The following CALCR variants were observed in gnomAD, a reference collection of about 807,000 sequenced individuals.
CALCR encodes calcitonin receptor.
In CALCR, 47 loss-of-function variants were observed where a neutral mutation model predicts 59.5. The ratio of observed to expected loss-of-function variants is 0.79; its 90% CI spans 0.63 to 1.01. CALCR has a LOEUF of 1.01. Ranked by LOEUF, CALCR falls within the 50% of genes least tolerant of loss-of-function variation. The pLI, the probability that CALCR is intolerant of heterozygous loss-of-function variation, is 0.00. For synonymous variants in CALCR, 213 were observed against 211.3 expected (o/e 1.01, Z -0.07); for missense variants, 566 against 597.1 (o/e 0.95, Z 0.54).
chr7:93,526,099 A>C (rs993437545), intron 2 of CALCR, among the ~76,000 whole-genome samples: 7 of 152,190 alleles, frequency 4.6e-5, no homozygotes, highest in African/African-American at 1.7e-4. Context: ...GTCAACATAA[A>C]GATTAGAAAC....
intron 2 of CALCR, among the ~76,000 whole-genome samples, chr7:93,540,926 A>G (rs1037356048): frequency 6.6e-6 from 1 of 151,872 alleles, no homozygotes; most frequent in East Asian, 1.9e-4. Flanking sequence ...AGGATTCAGT[A>G]GAAAATAGTT....
At chr7:93,483,889 T>C (rs1274298668) in intron 3 of CALCR, 2 of 454,978 alleles carry the variant, frequency 4.4e-6, no homozygotes, top group African/African-American at 4.0e-5. Context: ...CCATCTTACA[T>C]GATTTTTCAA....
rs186976291 is a variant in CALCR, at chr7:93,475,476, C to A, written c.316+2082G>T. Among the ~76,000 whole-genome samples, 185 of 151,650 alleles carry A rather than the reference C, an allele frequency of 1.2e-3. 1 individual carries two copies. The highest frequency in any genetic ancestry group is 4.3e-3 in the African/African-American group (180 of 41,442). On this transcript the variant is annotated intron_variant, in intron 5 of 13. Coordinates refer to ENST00000426151, the MANE Select transcript of CALCR (RefSeq NM_001742.4). ...GCTAATGTTATTTGTCAATGACAAC[C>A]CTTCCAAGCTTACTTGCAATTTTTA...
intron 7 of CALCR, chr7:93,462,030 G>A: frequency 8.0e-7 from 1 of 1,248,282 alleles, no homozygotes; most frequent in South Asian, 1.4e-5. Flanking sequence ...TCTGGGGAAA[G>A]ATGAAATACA....
chr7:93,571,191 C>T (rs1215904316), intron 2 of CALCR, among the ~76,000 whole-genome samples: 1 of 152,094 alleles, frequency 6.6e-6, no homozygotes, highest in African/African-American at 2.4e-5. Flanking sequence ...ATCACATTCA[C>T]ATGGAAAAGC....
At position 93,477,678 on chromosome 7, in the gene CALCR, T is replaced by C. The variant is rs1459335055; in HGVS notation, c.206-10A>G. ...CGATTGCAATATGGACCTGGCCATTTAGAAGGAAATTGATATTGAAGCCTT... is the reference window on the plus strand; with the variant it reads ...CGATTGCAATATGGACCTGGCCATTCAGAAGGAAATTGATATTGAAGCCTT... On this transcript the variant is annotated splice_polypyrimidine_tract_variant and intron_variant, in intron 4 of 13. Coordinates refer to ENST00000426151, the MANE Select transcript of CALCR (RefSeq NM_001742.4). 1 of 1,540,552 alleles carries C rather than the reference T, an allele frequency of 6.5e-7. No homozygotes were observed. The highest frequency in any genetic ancestry group is 1.1e-5 in the South Asian group (1 of 89,550).
At chr7:93,428,714 G>A (rs1219393441) in intron 13 of CALCR, among the ~76,000 whole-genome samples, 1 of 151,306 alleles carries the variant, frequency 6.6e-6, no homozygotes, top group African/African-American at 2.4e-5. Flanking sequence ...ATGAACCTGG[G>A]AGGCGGAGCT....
intron 2 of CALCR, among the ~76,000 whole-genome samples, chr7:93,524,227 T>C (rs898041770): frequency 1.3e-5 from 2 of 151,078 alleles, no homozygotes; most frequent in Non-Finnish European, 3.0e-5. Context: ...TGGAGTGCAG[T>C]GGCATGATCT....
chr7:93,503,217 AC>A (rs1256207442), intron 2 of CALCR, among the ~76,000 whole-genome samples: 24 of 152,082 alleles, frequency 1.6e-4, no homozygotes. Context: ...TGATGGAGCA[AC>A]ACTCGTCTGG....
chr7:93,494,532 A>C (rs916242009), intron 2 of CALCR, among the ~76,000 whole-genome samples: 1 of 151,470 alleles, frequency 6.6e-6, no homozygotes, highest in African/African-American at 2.4e-5. Context: ...TTAATTGAAG[A>C]GGTCTTAATT....
intron 2 of CALCR, among the ~76,000 whole-genome samples, chr7:93,561,939 C>G (rs1255469659): frequency 7.0e-6 from 1 of 142,946 alleles, no homozygotes; most frequent in Non-Finnish European, 1.5e-5. Flanking sequence ...TTAAATCCTG[C>G]CTCTGCTTCT....
intron 2 of CALCR, among the ~76,000 whole-genome samples, chr7:93,531,372 G>C (rs1421753032): frequency 6.6e-6 from 1 of 152,008 alleles, no homozygotes; most frequent in African/African-American, 2.4e-5. Flanking sequence ...AGGGATTTGA[G>C]ATACTAAATT....
chr7:93,486,378 T>A (rs1363390954), intron 3 of CALCR, among the ~76,000 whole-genome samples: 1 of 151,578 alleles, frequency 6.6e-6, no homozygotes, highest in Non-Finnish European at 1.5e-5. Flanking sequence ...CTGAACATAA[T>A]TTAAAAGATT....
Position 93,437,993 on chromosome 7 carries a change from C to T in CALCR, c.930+67G>A, listed in dbSNP as rs893382129. On this transcript the variant is annotated intron_variant, in intron 11 of 13. Transcript: ENST00000426151. ...GTTATAAAACATATGATACATAGAA[C>T]TATATACACAGAAATCTCAACTAAG... 3.2e-6 allele frequency: 4 copies of T among 1,236,486 alleles called. No homozygotes were observed. The African/African-American group carries it at 6.2e-5, about 19-fold the overall frequency. 76.6% of individuals were successfully genotyped at this position (1,236,486 alleles called of 1,614,324 possible). A position where few individuals can be genotyped will look rare whatever the true frequency, so the allele number is the denominator to read the frequency against.
At chr7:93,437,980 A>C in intron 11 of CALCR, 80 bp downstream of exon 11, 1 of 1,162,812 alleles carries the variant, frequency 8.6e-7, no homozygotes, top group Non-Finnish European at 1.3e-6. Context: ...TATAAAACAT[A>C]TGATACATAG....
At chr7:93,442,502 C>T (rs1584539370) in intron 9 of CALCR, among the ~76,000 whole-genome samples, 1 of 152,172 alleles carries the variant, frequency 6.6e-6, no homozygotes, top group Non-Finnish European at 1.5e-5. Flanking sequence ...CTCTAGGCTG[C>T]TTATATGACT....
intron 2 of CALCR, among the ~76,000 whole-genome samples, chr7:93,524,154 T>A (rs1801823470): frequency 6.6e-6 from 1 of 151,540 alleles, no homozygotes; most frequent in South Asian, 2.1e-4. Flanking sequence ...TTTTGGTCAA[T>A]TTATTTACTA....
chr7:93,510,307 T>A lies in CALCR; in HGVS notation c.-26-23300A>T, dbSNP rs549948810. On this transcript the variant is annotated intron_variant, in intron 2 of 13. Transcript: ENST00000426151. Reference sequence around the variant, plus strand: ...GGAGCTACTTAGGACCCGTCCAATGTCCATGGGGGAAAGGTCCCTCGTTAA... The same window carrying A: ...GGAGCTACTTAGGACCCGTCCAATGACCATGGGGGAAAGGTCCCTCGTTAA... 2.6e-5 allele frequency among the ~76,000 whole-genome samples: 4 copies of A among 152,234 alleles called. No homozygotes were observed. The South Asian group carries it at 8.3e-4, about 32-fold the overall frequency.
chr7:93,482,465 G>T (rs1251120707), intron 3 of CALCR, among the ~76,000 whole-genome samples: 2 of 151,688 alleles, frequency 1.3e-5, no homozygotes, highest in African/African-American at 4.8e-5. Context: ...TCTGTCACTT[G>T]TATTAGATAT....
Sources: allele counts gnomAD v4.1 joint callset (sites outside exome capture counted in the v4.1 genomes callset), GRCh38; gene constraint gnomAD v4.1.1; transcripts MANE v1.5; gene names NCBI Gene and HGNC (gene_info 2026-07-23, HGNC 2026-07-21).